The following ARHGEF3 variants were observed in gnomAD, a reference collection of about 807,000 sequenced individuals.
The protein encoded by ARHGEF3 is 59.8 kDA protein.
A neutral mutation model predicts 63.2 loss-of-function variants in ARHGEF3; 28 were observed. The observed-to-expected ratio is 0.44, with a 90% CI of 0.33 to 0.61. The LOEUF is 0.61. ARHGEF3 is among the 20% of genes least tolerant of loss of function. ARHGEF3 has a pLI of 0.03. For synonymous variants in ARHGEF3, 266 were observed against 254.2 expected (o/e 1.05, Z -0.44); for missense variants, 533 against 659.3 (o/e 0.81, Z 2.10).
intron 3 of ARHGEF3, among the ~76,000 whole-genome samples, chr3:56,934,930 G>C (rs999070811): frequency 6.6e-6 from 1 of 152,274 alleles, no homozygotes; most frequent in Non-Finnish European, 1.5e-5. Context: ...CTGGGCTCCT[G>C]AGTCTGGTGG....
chr3:56,906,367 C>A (rs2108322621), intron 3 of ARHGEF3, among the ~76,000 whole-genome samples: 1 of 152,320 alleles, frequency 6.6e-6, no homozygotes, highest in South Asian at 2.1e-4. Flanking sequence ...CTCTGTGGAT[C>A]CGCAGTGTCC....
intron 1 of ARHGEF3, among the ~76,000 whole-genome samples, chr3:57,059,680 T>C (rs1705115788): frequency 6.6e-6 from 1 of 152,098 alleles, no homozygotes. Flanking sequence ...GACTGCCTGA[T>C]GGGGTGACAA....
At chr3:57,013,285 C>A (rs1331476190) in intron 2 of ARHGEF3, among the ~76,000 whole-genome samples, 1 of 152,238 alleles carries the variant, frequency 6.6e-6, no homozygotes, top group East Asian at 1.9e-4. Context: ...CAGCTCAGCC[C>A]CCGGCCCTGG....
intron 7 of ARHGEF3, among the ~76,000 whole-genome samples, chr3:56,741,285 AAGTG>A (rs1401448278): frequency 6.8e-6 from 1 of 148,134 alleles, no homozygotes. Flanking sequence ...TCCCGGGTTC[AAGTG>A]ATTCGCTTGC....
intron 3 of ARHGEF3, among the ~76,000 whole-genome samples, chr3:56,933,915 T>A (rs1187831470): frequency 2.0e-5 from 3 of 152,164 alleles, no homozygotes; most frequent in African/African-American, 7.2e-5. Flanking sequence ...CTCATGACAG[T>A]GAGTGAGTTC....
chr3:56,992,836 ATTTT>A (rs1162851993), intron 2 of ARHGEF3, among the ~76,000 whole-genome samples: 1 of 151,836 alleles, frequency 6.6e-6, no homozygotes, highest in Non-Finnish European at 1.5e-5. Context: ...TTTTTATTTT[ATTTT>A]TTATTTTTTT....
At chr3:56,762,728 A>AT (rs1467847315) in intron 2 of ARHGEF3, among the ~76,000 whole-genome samples, 3 of 152,324 alleles carry the variant, frequency 2.0e-5, no homozygotes, top group Non-Finnish European at 4.4e-5. Flanking sequence ...CAGATGGTTT[A>AT]TTATCAGGGA....
At chr3:57,007,315 T>C (rs1579074107) in intron 2 of ARHGEF3, 1 of 1,289,730 alleles carries the variant, frequency 7.8e-7, no homozygotes, top group African/African-American at 1.5e-5. Flanking sequence ...TTGCGCTGGT[T>C]CCAGAAACAC....
chr3:56,914,795 C>T (rs1174088313), intron 3 of ARHGEF3, among the ~76,000 whole-genome samples: 1 of 151,974 alleles, frequency 6.6e-6, no homozygotes, highest in Non-Finnish European at 1.5e-5. Context: ...TTAGAGTAAT[C>T]AAAATCACAG....
upstream of ARHGEF3, among the ~76,000 whole-genome samples, chr3:56,803,765 G>A (rs570740733): frequency 5.3e-5 from 8 of 152,240 alleles, no homozygotes; most frequent in East Asian, 1.3e-3. Context: ...TTGCACCACT[G>A]CACTCTAGCC....
At chr3:56,954,360 A>G (rs1284604037) in intron 3 of ARHGEF3, among the ~76,000 whole-genome samples, 1 of 152,144 alleles carries the variant, frequency 6.6e-6, no homozygotes, top group Admixed American at 6.5e-5. Context: ...TTCACAAGGA[A>G]GGGTGGAAAT....
intron 2 of ARHGEF3, among the ~76,000 whole-genome samples, chr3:56,985,413 G>T (rs1324194856): frequency 1.3e-5 from 2 of 152,208 alleles, no homozygotes; most frequent in African/African-American, 4.8e-5. Flanking sequence ...TTTTAAATTG[G>T]AATACACATT....
intron 4 of ARHGEF3, among the ~76,000 whole-genome samples, chr3:56,868,564 T>C (rs9848017): frequency 1.3e-5 from 2 of 152,120 alleles, no homozygotes; most frequent in Non-Finnish European, 2.9e-5. Context: ...GGTTTCACCA[T>C]GTTGGCCAGG....
chr3:56,834,713 C>A (rs894245415), intron 4 of ARHGEF3, among the ~76,000 whole-genome samples: 10 of 149,304 alleles, frequency 6.7e-5, no homozygotes, highest in Non-Finnish European at 1.3e-4. Flanking sequence ...CCATTGCACT[C>A]CAGCCTGGGT....
chr3:56,752,455 T>G (rs1056958625), intron 4 of ARHGEF3, among the ~76,000 whole-genome samples: 1 of 152,208 alleles, frequency 6.6e-6, no homozygotes, highest in Non-Finnish European at 1.5e-5. Flanking sequence ...GAATTAAAGC[T>G]GGAGTGGCCA....
chr3:56,755,122 G>A lies in ARHGEF3; in HGVS notation c.234C>T (p.Arg78=). 6.2e-7 allele frequency: 1 copy of A among 1,613,832 alleles called. No individual in the cohort carries two copies. Among genetic ancestry groups the A allele is most frequent in the East Asian group, 2.2e-5 (1 of 44,876 alleles). ...QRSISFRSES[R]PDILAPRPWS... The stretch of plus-strand genomic sequence containing the variant: ...AGGGTCGGGGGGCGAGGATGTCAGG[G>A]CGGCTCTCACTGCGGAAGCTAATGG... Residue 78 remains arginine, a synonymous_variant, in exon 3 of 10, where the codon CGC becomes CGT. Coordinates refer to ENST00000296315, the MANE Select transcript of ARHGEF3 (RefSeq NM_019555.3).
chr3:57,008,885 T>C (rs1468502355), intron 2 of ARHGEF3, among the ~76,000 whole-genome samples: 14 of 152,246 alleles, frequency 9.2e-5, no homozygotes, highest in Admixed American at 9.2e-4. Context: ...CTCAAAAATA[T>C]ATTTAAAAGA....
At chr3:56,860,023 C>T (rs1053156419) in intron 4 of ARHGEF3, among the ~76,000 whole-genome samples, 2 of 150,610 alleles carry the variant, frequency 1.3e-5, no homozygotes, top group African/African-American at 4.9e-5. Flanking sequence ...TAGCCAGTCT[C>T]ATAACCTGGT....
chr3:56,739,343 AAATAAT>A lies in ARHGEF3; in HGVS notation c.871-1994_871-1989del, dbSNP rs1260190405. ...CGCAGTCAGAAGTTATCATGTCTTA[AAATAAT>A]AATAATAATAATAAATTGTATCTAG... On this transcript the variant is annotated intron_variant, in intron 7 of 9. Transcript: ENST00000296315. Among the ~76,000 whole-genome samples, 7 of 151,966 alleles carry A rather than the reference AAATAAT, an allele frequency of 4.6e-5. No individual in the cohort carries two copies. In the South Asian group the frequency reaches 8.3e-4, roughly 18 times the overall value.
Sources: gnomAD v4.1 joint callset for allele counts (sites outside exome capture counted in the v4.1 genomes callset) on GRCh38, gnomAD v4.1.1 for gene constraint, MANE v1.5 for transcripts, NCBI Gene and HGNC (gene_info 2026-07-23, HGNC 2026-07-21) for gene names.